Variants in TNFRSF10A observed in about 807,000 individuals in gnomAD.
The protein encoded by TNFRSF10A is TNF receptor superfamily member 10a.
In TNFRSF10A, 44 loss-of-function variants were observed where a neutral mutation model predicts 42.8. That is an observed-to-expected ratio of 1.03 (90% CI 0.81 to 1.32). The LOEUF (loss-of-function observed/expected upper bound fraction) is 1.32, where lower values mean the gene tolerates loss of function less well. Among genes scored for constraint, TNFRSF10A ranks in the 40% most tolerant of loss-of-function variants. The pLI, the probability that TNFRSF10A is intolerant of heterozygous loss-of-function variation, is 0.00. For missense variants in TNFRSF10A, 680 were observed against 602.0 expected (o/e 1.13, Z -1.36); for synonymous variants, 259 against 234.2 (o/e 1.11, Z -0.97).
intron 1 of TNFRSF10A, 50 bp downstream of exon 1, chr8:23,224,705 TC>T: frequency 6.5e-7 from 1 of 1,528,284 alleles, no homozygotes; most frequent in Non-Finnish European, 8.8e-7. Context: ...CTCTGCCCCC[TC>T]CCGGTGCCAG....
intron 9 of TNFRSF10A, among the ~76,000 whole-genome samples, chr8:23,196,351 G>T (rs1034323687): frequency 2.0e-5 from 3 of 150,612 alleles, no homozygotes; most frequent in African/African-American, 4.8e-5. Context: ...CCGCCAATAC[G>T]CCTGGCTAAT....
chr8:23,212,169 G>T lies in TNFRSF10A; in HGVS notation c.350C>A (p.Ser117Ter). The change falls in exon 2 of 10, where the codon TCA becomes TAA. Residue 117 changes from serine to a stop codon, truncating the protein, a stop_gained. Transcript: ENST00000221132. LOFTEE classifies it high-confidence loss of function. Reference sequence around the variant, plus strand: ...ATGTTCCCATTGCTGTGTGCCAATTGATTGATCATGAAGTTTGATGGTTGC... The same window carrying T: ...ATGTTCCCATTGCTGTGTGCCAATTTATTGATCATGAAGTTTGATGGTTGC... Reference protein sequence around the residue: ...SAATIKLHDQSIGTQQWEHSP... With the variant: ...SAATIKLHDQ The T allele has an allele frequency of 6.2e-7, 1 of 1,613,840 alleles. No homozygotes were observed. Among genetic ancestry groups the T allele is most frequent in the South Asian group, 1.1e-5 (1 of 91,064 alleles).
rs1801318442 is a variant in TNFRSF10A, at chr8:23,224,903, TC to T, written c.158del (p.Gly53GlufsTer190). 1 of 1,594,530 alleles carries T rather than the reference TC, an allele frequency of 6.3e-7. No individual in the cohort carries two copies. Among genetic ancestry groups the T allele is most frequent in the Admixed American group, 1.7e-5 (1 of 57,604 alleles). ...GRIEPRGGGR[G>X]ALPTSMGQHG... ...GCTGTCCCATGGAGGTAGGGAGCGC[TC>T]CTCGGCCCCCGCCTCGTGGTTCAAT... is the stretch of plus-strand genomic sequence containing the variant. On this transcript the variant is annotated frameshift_variant, in exon 1 of 10. Transcript: ENST00000221132. LOFTEE classifies it high-confidence loss of function.
chr8:23,217,935 A>G lies in TNFRSF10A; in HGVS notation c.307-5723T>C, dbSNP rs960301011. Among the ~76,000 whole-genome samples, 16 of 152,302 alleles carry G rather than the reference A, an allele frequency of 1.1e-4. 1 individual carries two copies. The South Asian group carries it at 2.7e-3, about 26-fold the overall frequency. On this transcript the variant is annotated intron_variant, in intron 1 of 9. Coordinates refer to ENST00000221132, the MANE Select transcript of TNFRSF10A (RefSeq NM_003844.4). ...ACTGGTGGCAGGGACACCGGTAGAC[A>G]TAGAGGGAAAGGTCCACATAGAGGG... is the stretch of plus-strand genomic sequence containing the variant.
At chr8:23,222,230 T>A (rs1258838866) in intron 1 of TNFRSF10A, among the ~76,000 whole-genome samples, 3 of 152,192 alleles carry the variant, frequency 2.0e-5, no homozygotes, top group Non-Finnish European at 4.4e-5. Flanking sequence ...TCTCCCGAAG[T>A]ACAATTTAGC....
At chr8:23,222,274 A>T (rs939496226) in intron 1 of TNFRSF10A, among the ~76,000 whole-genome samples, 4 of 152,160 alleles carry the variant, frequency 2.6e-5, no homozygotes, top group African/African-American at 9.7e-5. Flanking sequence ...TGATGAGCTC[A>T]TGTACCTAAA....
chr8:23,202,639 A>G lies in TNFRSF10A; in HGVS notation c.517+9T>C, dbSNP rs1800948193. On this transcript the variant is annotated intron_variant, in intron 3 of 9. Transcript: ENST00000221132. Reference sequence around the variant, plus strand: ...CCACCTCTGGACAAGAGGTCCACACATTCTGTACCTGATTTACAAGCTGTA... The same window carrying G: ...CCACCTCTGGACAAGAGGTCCACACGTTCTGTACCTGATTTACAAGCTGTA... 9 of 1,609,588 alleles carry G rather than the reference A, an allele frequency of 5.6e-6. No individual in the cohort carries two copies. The highest frequency in any genetic ancestry group is 6.0e-6 in the Non-Finnish European group (7 of 1,176,060).
At chr8:23,210,580 G>A (rs1230168978) in intron 2 of TNFRSF10A, among the ~76,000 whole-genome samples, 1 of 152,164 alleles carries the variant, frequency 6.6e-6, no homozygotes, top group African/African-American at 2.4e-5. Flanking sequence ...TACTTGGAAG[G>A]CTGAGGCAGG....
Position 23,224,822 on chromosome 8 carries a change from C to T in TNFRSF10A, c.240G>A (p.Arg80=). The change falls in exon 1 of 10, where the codon CGG becomes CGA. Residue 80 remains arginine, a synonymous_variant. Transcript: ENST00000221132. ...GGACCCGGAGCCGAGGGCTGGCTTC[C>T]CGCGCCGGCCTGGGTCCTGGGGCGC... ...AGRAPGPRPA[R]EASPRLRVHK... 1.9e-6 allele frequency: 3 copies of T among 1,565,636 alleles called. No homozygotes were observed. Among genetic ancestry groups the T allele is most frequent in the Non-Finnish European group, 1.7e-6 (2 of 1,155,472 alleles).
intron 1 of TNFRSF10A, among the ~76,000 whole-genome samples, chr8:23,223,061 CTTTTT>C (rs1373922336): frequency 6.6e-6 from 1 of 152,148 alleles, no homozygotes; most frequent in African/African-American, 2.4e-5. Flanking sequence ...GTCAAGTTTT[CTTTTT>C]TATTTTTTTT....
intron 3 of TNFRSF10A, 104 bp downstream of exon 3, chr8:23,202,544 G>T: frequency 1.2e-6 from 1 of 837,496 alleles, no homozygotes; most frequent in Non-Finnish European, 2.1e-6. Flanking sequence ...GTATGATGAA[G>T]ACCAAGTTGG....
At chr8:23,207,523 A>G (rs1801033130) in intron 2 of TNFRSF10A, among the ~76,000 whole-genome samples, 1 of 152,258 alleles carries the variant, frequency 6.6e-6, no homozygotes. Flanking sequence ...ACAGCAGAGG[A>G]AGGAGCACTT....
chr8:23,205,124 G>A (rs1177502196), intron 2 of TNFRSF10A, among the ~76,000 whole-genome samples: 1 of 152,024 alleles, frequency 6.6e-6, no homozygotes, highest in African/African-American at 2.4e-5. Context: ...GTAAATTAAT[G>A]AACTCAAAAT....
At chr8:23,224,416 C>A (rs917189960) in intron 1 of TNFRSF10A, 21 of 268,116 alleles carry the variant, frequency 7.8e-5, no homozygotes, top group African/African-American at 4.3e-4. Context: ...TGGGAGTTGG[C>A]TTGGAAGTTT....
chr8:23,205,632 A>G (rs187176536), intron 2 of TNFRSF10A, among the ~76,000 whole-genome samples: 1 of 152,106 alleles, frequency 6.6e-6, no homozygotes, highest in East Asian at 1.9e-4. Flanking sequence ...AGATCCTCCA[A>G]CGCGACAAGA....
Position 23,200,619 on chromosome 8 carries a change from A to T in TNFRSF10A, c.704-19T>A. 1 of 1,614,162 alleles carries T rather than the reference A, an allele frequency of 6.2e-7. No homozygotes were observed. Among genetic ancestry groups the T allele is most frequent in the Non-Finnish European group, 8.5e-7 (1 of 1,179,982 alleles). The stretch of plus-strand genomic sequence containing the variant: ...CCATTGCCTGAGAAAAGACAGGAAA[A>T]GACAGGAGTCTCGGGCTGCTGGTCC... On this transcript the variant is annotated intron_variant, in intron 5 of 9. Transcript: ENST00000221132.
rs2230230 is a variant in TNFRSF10A, at chr8:23,199,374, G to A, written c.906C>T (p.Asn302=). The change falls in exon 8 of 10, where the codon AAC becomes AAT. Residue 302 remains asparagine, a synonymous_variant. Transcript: ENST00000221132. ...EDNAHNEILS[N]ADSLSTFVSE... ...AGACGAAAGTGGACAGCGAGTCTGC[G>A]TTGCTCAGAATCTCGTTGTGAGCAT... 529 of 1,614,208 alleles carry A rather than the reference G, an allele frequency of 3.3e-4. 2 individuals are homozygous for A. The African/African-American group carries it at 5.6e-3, about 17-fold the overall frequency.
intron 1 of TNFRSF10A, among the ~76,000 whole-genome samples, chr8:23,218,163 T>TGA (rs202110926): frequency 0.069 from 10,504 of 151,826 alleles, 456 homozygotes; most frequent in Non-Finnish European, 0.1. Context: ...TGTTTGTGTG[T>TGA]GTGAGAGAGA....
intron 1 of TNFRSF10A, chr8:23,224,299 CAAAAAAAA>C (rs71208595): frequency 3.6e-4 from 37 of 101,760 alleles, no homozygotes; most frequent in African/African-American, 7.2e-4. Flanking sequence ...GACTCCGTTT[CAAAAAAAA>C]AAAAAAAAAA....
Sources: gnomAD v4.1 joint callset for allele counts (sites outside exome capture counted in the v4.1 genomes callset) on GRCh38, gnomAD v4.1.1 for gene constraint, MANE v1.5 for transcripts, NCBI Gene and HGNC (gene_info 2026-07-23, HGNC 2026-07-21) for gene names.